The following POU5F1B variants were observed in gnomAD, a reference collection of about 807,000 sequenced individuals.
POU5F1B encodes the protein POU domain, class 5, transcription factor 1B.
POU5F1B carries 24 observed loss-of-function variants against 28.1 expected under a neutral mutation model. That is an observed-to-expected ratio of 0.85 (90% CI 0.62 to 1.20). The LOEUF is 1.20. Among genes scored for constraint, POU5F1B ranks in the 50% most tolerant of loss-of-function variants. The pLI is 0.00. For synonymous variants in POU5F1B, 220 were observed against 193.2 expected (o/e 1.14, Z -1.15); for missense variants, 451 against 451.5 (o/e 1.00, Z 0.01).
exon 3 of POU5F1B, chr8:127,417,063 G>A (rs1815157752): frequency 1.4e-6 from 2 of 1,414,294 alleles, no homozygotes; most frequent in South Asian, 2.7e-5. Flanking sequence ...GAAGGAATTG[G>A]GAACACTAAG....
exon 3 of POU5F1B, chr8:127,415,898 T>G (rs1815123939): frequency 6.5e-7 from 1 of 1,540,490 alleles, no homozygotes; most frequent in Non-Finnish European, 8.7e-7. Flanking sequence ...GATTTCGCCT[T>G]CTCGCCCCCT....
At chr8:127,416,889 G>T (rs1304490636) in exon 3 of POU5F1B, 2 of 1,600,430 alleles carry the variant, frequency 1.2e-6, no homozygotes, top group Non-Finnish European at 1.7e-6. Flanking sequence ...TCCCTGAGGG[G>T]GAAGTCTTTC....
At chr8:127,416,330 A>G in exon 3 of POU5F1B, 3 of 1,613,312 alleles carry the variant, frequency 1.9e-6, no homozygotes, top group East Asian at 2.2e-5. Flanking sequence ...CTCCTGAAGC[A>G]GAAGAGGATC....
chr8:127,416,671 G>A (rs1253029965), exon 3 of POU5F1B: 1 of 1,605,778 alleles, frequency 6.2e-7, no homozygotes, highest in South Asian at 1.1e-5. Context: ...GCTTGGGCTC[G>A]AGAAGGATGT....
chr8:127,416,624 C>A, exon 3 of POU5F1B: 1 of 1,598,282 alleles, frequency 6.3e-7, no homozygotes, highest in Non-Finnish European at 8.5e-7. Context: ...CTGCAGTGCC[C>A]GAAACCCACA....
chr8:127,415,679 A>T, exon 3 of POU5F1B: 1 of 927,712 alleles, frequency 1.1e-6, no homozygotes, highest in South Asian at 3.3e-5. Flanking sequence ...ACAGGTGATT[A>T]TGATTTAAAG....
intron 2 of POU5F1B, chr8:127,415,156 A>C (rs927605031): frequency 1.3e-5 from 2 of 152,194 alleles, no homozygotes; most frequent in African/African-American, 4.8e-5. Flanking sequence ...CCACACCACA[A>C]TTGCTATTTT....
intron 1 of POU5F1B, chr8:127,414,856 C>T (rs1815107247): frequency 6.6e-6 from 1 of 152,238 alleles, no homozygotes; most frequent in Non-Finnish European, 1.5e-5. Context: ...ATAAAGAACG[C>T]AGTGGCTTCT....
At position 127,416,148 on chromosome 8, in the gene POU5F1B, G is replaced by C. The variant is rs555645826; in HGVS notation, c.282G>C (p.Gln94His). Residue 94 changes from glutamine to histidine, a missense_variant, in exon 3 of 3, where the codon CAG becomes CAC. Gln to His is a conservative substitution (Grantham distance 24). Coordinates refer to ENST00000465342, the Ensembl canonical transcript of POU5F1B. Reference sequence around the variant, plus strand: ...CCCAAGGCGGCTTGGAGACCTCTCAGCCTGAGAGCGAAGCAGGAGTCGGGG... The same window carrying C: ...CCCAAGGCGGCTTGGAGACCTCTCACCCTGAGAGCGAAGCAGGAGTCGGGG... 16 of 1,613,794 alleles carry C rather than the reference G, an allele frequency of 9.9e-6. No individual in the cohort carries two copies. In the East Asian group the frequency reaches 3.6e-4, roughly 36 times the overall value.
intron 1 of POU5F1B, among the ~76,000 whole-genome samples, chr8:127,414,598 G>A (rs1815103223): frequency 1.3e-5 from 2 of 152,164 alleles, no homozygotes; most frequent in South Asian, 4.1e-4. Context: ...TTAAACATTT[G>A]CCTGTCTTAT....
At chr8:127,414,177 C>CT (rs909181017) in intron 1 of POU5F1B, among the ~76,000 whole-genome samples, 1 of 152,194 alleles carries the variant, frequency 6.6e-6, no homozygotes, top group African/African-American at 2.4e-5. Flanking sequence ...TTGAGCAAGA[C>CT]TGAAGGAGAA....
At chr8:127,417,039 C>G in exon 3 of POU5F1B, 2 of 1,536,390 alleles carry the variant, frequency 1.3e-6, no homozygotes, top group Non-Finnish European at 1.8e-6. Flanking sequence ...GGATTAAGTT[C>G]TTCATTCACT....
At chr8:127,413,665 A>G (rs1815091993) in intron 1 of POU5F1B, among the ~76,000 whole-genome samples, 1 of 152,270 alleles carries the variant, frequency 6.6e-6, no homozygotes, top group Admixed American at 6.5e-5. Context: ...AAAGCAGAGC[A>G]TCACCTCAAA....
At chr8:127,416,757 T>A in exon 3 of POU5F1B, 1 of 1,607,860 alleles carries the variant, frequency 6.2e-7, no homozygotes, top group Non-Finnish European at 8.5e-7. Flanking sequence ...GAGAGGATTT[T>A]GAGGCTGCTG....
chr8:127,415,789 C>A, exon 3 of POU5F1B: 3 of 1,454,804 alleles, frequency 2.1e-6, no homozygotes, highest in South Asian at 1.5e-5. Context: ...CACAGCCATA[C>A]GGTCACAGAG....
rs116368092 is a variant in POU5F1B at position 127,415,443 on chromosome 8, G to A, written c.-424G>A. 577 of 163,038 alleles carry A rather than the reference G, an allele frequency of 3.5e-3. 4 individuals are homozygous for A. Among genetic ancestry groups the A allele is most frequent in the African/African-American group, 0.013 (540 of 41,956 alleles). The allele number at this position is 163,038 out of a possible 1,614,324, so 10.1% of individuals were successfully genotyped here. On this transcript the variant is annotated splice_region_variant and 5_prime_UTR_variant, in exon 3 of 3. Transcript: ENST00000465342. ...AGAACCGTTTCCCCACAATCTGCAGGAAATAAGAATCAGAAAGAAGGACAC... is the reference window on the plus strand; with the variant it reads ...AGAACCGTTTCCCCACAATCTGCAGAAAATAAGAATCAGAAAGAAGGACAC...
exon 3 of POU5F1B, chr8:127,416,733 C>A: frequency 1.2e-6 from 2 of 1,609,394 alleles, no homozygotes; most frequent in African/African-American, 1.3e-5. Context: ...GATCAAGCAG[C>A]GACTATGCAC....
At position 127,413,676 on chromosome 8, in the gene POU5F1B, C is replaced by T. The variant is rs947116547; in HGVS notation, c.-559-1212C>T. On this transcript the variant is annotated intron_variant, in intron 1 of 2. Coordinates refer to ENST00000465342, the Ensembl canonical transcript of POU5F1B. ...AAATAAAGCAGAGCATCACCTCAAA[C>T]GATTTTCATGGTTCAAATCTAGGTA... is the stretch of plus-strand genomic sequence containing the variant. Among the ~76,000 whole-genome samples, 12 of 152,220 alleles carry T rather than the reference C, an allele frequency of 7.9e-5. No individual in the cohort carries two copies. In the South Asian group the frequency reaches 1.9e-3, roughly 24 times the overall value.
exon 3 of POU5F1B, chr8:127,417,092 TG>T: frequency 8.7e-7 from 1 of 1,143,872 alleles, no homozygotes; most frequent in Non-Finnish European, 1.2e-6. Context: ...CAGGGGAGTT[TG>T]GGGCAACTGG....
Sources: gnomAD v4.1 joint callset for allele counts (sites outside exome capture counted in the v4.1 genomes callset) on GRCh38, gnomAD v4.1.1 for gene constraint, MANE v1.5 for transcripts, NCBI Gene and HGNC (gene_info 2026-07-23, HGNC 2026-07-21) for gene names.